The following KAZN variants were observed in gnomAD, a reference collection of about 807,000 sequenced individuals.
KAZN encodes kazrin.
A neutral mutation model predicts 87.4 loss-of-function variants in KAZN; 40 were observed. The ratio of observed to expected loss-of-function variants is 0.46; its 90% CI spans 0.36 to 0.60. The LOEUF (loss-of-function observed/expected upper bound fraction) is 0.60, where lower values mean the gene tolerates loss of function less well. Ranked by LOEUF, KAZN falls within the 20% of genes least tolerant of loss-of-function variation. The pLI, the probability that KAZN is intolerant of heterozygous loss-of-function variation, is 0.00. For missense variants in KAZN, 898 were observed against 1,073.9 expected, an observed-to-expected ratio of 0.84 and a Z score of 2.29; for synonymous variants, 466 against 458.3, an observed-to-expected ratio of 1.02 and a Z score of -0.22.
intron 2 of KAZN, among the ~76,000 whole-genome samples, chr1:14,366,686 T>C (rs1271322309): frequency 6.6e-6 from 1 of 152,216 alleles, no homozygotes; most frequent in Non-Finnish European, 1.5e-5. Flanking sequence ...CCACCATCAA[T>C]GAAGCCCCAG....
At chr1:14,192,447 C>T (rs145358958) in intron 2 of KAZN, among the ~76,000 whole-genome samples, 1 of 152,276 alleles carries the variant, frequency 6.6e-6, no homozygotes, top group East Asian at 1.9e-4. Context: ...TGCAGTCAAG[C>T]ACAGAGCTTG....
intron 2 of KAZN, among the ~76,000 whole-genome samples, chr1:14,199,587 C>T (rs868532694): frequency 3.9e-4 from 60 of 152,190 alleles, no homozygotes; most frequent in African/African-American, 1.4e-3. Flanking sequence ...GTTCACCTGC[C>T]TGAAGCAGGC....
At chr1:14,866,216 A>G (rs1389443669) in intron 1 of KAZN, among the ~76,000 whole-genome samples, 1 of 152,014 alleles carries the variant, frequency 6.6e-6, no homozygotes, top group African/African-American at 2.4e-5. Flanking sequence ...CCATCCCCAC[A>G]TCACCTGTCC....
chr1:14,036,766 T>G (rs1439315985), intron 1 of KAZN, among the ~76,000 whole-genome samples: 2 of 151,966 alleles, frequency 1.3e-5, no homozygotes, highest in Admixed American at 1.3e-4. Flanking sequence ...GTCTATTTAT[T>G]TATTTATTAT....
At chr1:14,787,278 G>A (rs1042505844) in intron 1 of KAZN, among the ~76,000 whole-genome samples, 3 of 152,206 alleles carry the variant, frequency 2.0e-5, no homozygotes, top group African/African-American at 4.8e-5. Flanking sequence ...TGAGAGGTAC[G>A]ACACTAAGAA....
chr1:15,069,711 T>C (rs540734282), intron 8 of KAZN, among the ~76,000 whole-genome samples: 5 of 152,330 alleles, frequency 3.3e-5, no homozygotes, highest in African/African-American at 9.6e-5. Flanking sequence ...CTATTAGAAA[T>C]TGGAGTAGGG....
At chr1:15,091,028 G>C (rs899725144) in intron 8 of KAZN, among the ~76,000 whole-genome samples, 2 of 152,078 alleles carry the variant, frequency 1.3e-5, no homozygotes, top group African/African-American at 4.8e-5. Flanking sequence ...GAGATTTCTA[G>C]GCTTTTTTCT....
intron 2 of KAZN, among the ~76,000 whole-genome samples, chr1:14,991,161 T>A (rs1667315103): frequency 1.3e-5 from 2 of 151,976 alleles, no homozygotes; most frequent in Non-Finnish European, 2.9e-5. Context: ...GAGACCAGCC[T>A]GGCCAAAATG....
Position 14,598,755 on chromosome 1 carries a change from T to A in KAZN, c.-243T>A, listed in dbSNP as rs529063789. The A allele has an allele frequency of 2.0e-4, 268 of 1,339,510 alleles. No homozygotes were observed. Among genetic ancestry groups the A allele is most frequent in the Non-Finnish European group, 2.4e-4 (255 of 1,054,246 alleles). The allele number at this position is 1,339,510 out of a possible 1,614,324, so 83.0% of individuals were successfully genotyped here. On this transcript the variant is annotated 5_prime_UTR_variant, in exon 1 of 15. Coordinates refer to ENST00000376030, the MANE Select transcript of KAZN (RefSeq NM_201628.3). This position sits in a 1 kb window ranked among gnomAD's most constrained non-coding sequence, Gnocchi z 4.2. Reference sequence around the variant, plus strand: ...TCGCTGCTCCTCCTCCTCCTTCTCCTCCTCTTTTTTCTCCTCCGCCTCCTC... The same window carrying A: ...TCGCTGCTCCTCCTCCTCCTTCTCCACCTCTTTTTTCTCCTCCGCCTCCTC...
chr1:14,834,793 T>A (rs1468473387), intron 1 of KAZN, among the ~76,000 whole-genome samples: 1 of 151,026 alleles, frequency 6.6e-6, no homozygotes, highest in Non-Finnish European at 1.5e-5. Context: ...TGATGGAGCT[T>A]GGAGCCTAGG....
chr1:14,398,765 G>T (rs936820267), intron 2 of KAZN, among the ~76,000 whole-genome samples: 1 of 152,220 alleles, frequency 6.6e-6, no homozygotes, highest in African/African-American at 2.4e-5. Context: ...ACTGATGGGA[G>T]AGAGAATGGC....
chr1:14,417,721 G>A (rs1049811060), intron 2 of KAZN, among the ~76,000 whole-genome samples: 1 of 151,992 alleles, frequency 6.6e-6, no homozygotes, highest in African/African-American at 2.4e-5. Context: ...ATCGGGCCGG[G>A]TGTGGTGGCT....
At chr1:14,630,340 G>A (rs1679471124) in intron 1 of KAZN, among the ~76,000 whole-genome samples, 1 of 152,142 alleles carries the variant, frequency 6.6e-6, no homozygotes, top group African/African-American at 2.4e-5. Context: ...CTCTTGAGCT[G>A]TTGTTCAAGC....
At chr1:14,481,843 A>C (rs940890925) in intron 2 of KAZN, among the ~76,000 whole-genome samples, 15 of 152,158 alleles carry the variant, frequency 9.9e-5, no homozygotes, top group African/African-American at 3.6e-4. Context: ...TGCCTTCCTG[A>C]GGAATGTTCT....
chr1:14,679,640 C>A (rs1640450881), intron 1 of KAZN, among the ~76,000 whole-genome samples: 1 of 152,134 alleles, frequency 6.6e-6, no homozygotes, highest in South Asian at 2.1e-4. Context: ...CAATCAGGTG[C>A]CTTACGTGTT....
chr1:14,066,171 T>C (rs1292360436), intron 1 of KAZN, among the ~76,000 whole-genome samples: 1 of 152,236 alleles, frequency 6.6e-6, no homozygotes, highest in Non-Finnish European at 1.5e-5. Context: ...ATCCTCTTTA[T>C]GGCTGAGTAG....
chr1:14,485,338 C>A (rs1669292306), intron 2 of KAZN, among the ~76,000 whole-genome samples: 1 of 152,166 alleles, frequency 6.6e-6, no homozygotes, highest in African/African-American at 2.4e-5. Flanking sequence ...TGAATTAATC[C>A]AGATATGTCT....
intron 8 of KAZN, among the ~76,000 whole-genome samples, chr1:15,083,224 C>T (rs1640089396): frequency 6.6e-6 from 1 of 152,226 alleles, no homozygotes; most frequent in Non-Finnish European, 1.5e-5. Context: ...TGGACTCAAG[C>T]CTGTGCAGCC....
At chr1:14,018,829 G>T (rs1640689843) in intron 1 of KAZN, among the ~76,000 whole-genome samples, 1 of 152,142 alleles carries the variant, frequency 6.6e-6, no homozygotes, top group African/African-American at 2.4e-5. Flanking sequence ...TTCAGTCTCG[G>T]ACTAAGAATG....
Sources: gnomAD v4.1 joint callset for allele counts (sites outside exome capture counted in the v4.1 genomes callset) on GRCh38, gnomAD v4.1.1 for gene constraint, Gnocchi (gnomAD v3.1) non-coding constraint, MANE v1.5 for transcripts, NCBI Gene and HGNC (gene_info 2026-07-23, HGNC 2026-07-21) for gene names.